Variants in ATXN1 observed in about 807,000 individuals in gnomAD.
ATXN1 encodes ataxin 1, also known as ataxin-1.
A neutral mutation model predicts 56.4 loss-of-function variants in ATXN1; 8 were observed. That is an observed-to-expected ratio of 0.14 (90% CI 0.08 to 0.26). ATXN1 has a LOEUF of 0.26. Among genes scored for constraint, ATXN1 ranks in the 10% least tolerant of loss-of-function variants. The probability of loss-of-function intolerance (pLI) is 1.00; values close to 1 mark genes in which losing one functional copy is unlikely to be tolerated. For synonymous variants in ATXN1, 514 were observed against 494.6 expected, an observed-to-expected ratio of 1.04 and a Z score of -0.52; for missense variants, 987 against 1,106.5, an observed-to-expected ratio of 0.89 and a Z score of 1.53.
chr6:16,581,159 G>A (rs538211440), intron 4 of ATXN1, among the ~76,000 whole-genome samples: 1 of 151,894 alleles, frequency 6.6e-6, no homozygotes, highest in South Asian at 2.1e-4. Context: ...TACATACGGT[G>A]CCTGAAGGGG....
At chr6:16,309,799 C>T (rs180009) in intron 7 of ATXN1, among the ~76,000 whole-genome samples, 23,486 of 151,820 alleles carry the variant, frequency 0.15, 2,365 homozygotes, top group Admixed American at 0.24. Flanking sequence ...TTTGGGAGGC[C>T]GAGGTGGGTG....
intron 3 of ATXN1, among the ~76,000 whole-genome samples, chr6:16,604,324 C>CAAAAA: frequency 8.9e-6 from 1 of 112,108 alleles, no homozygotes; most frequent in Non-Finnish European, 1.9e-5. Flanking sequence ...AACTCTGTCT[C>CAAAAA]AAAAAAAAAA....
rs1049069592 is a variant in ATXN1 at position 16,410,314 on chromosome 6, T to C, written c.-161+75658A>G. On this transcript the variant is annotated intron_variant, in intron 6 of 7. Transcript: ENST00000436367. This position sits in a 1 kb window ranked among gnomAD's most constrained non-coding sequence, Gnocchi z 4.6. ...GTTGATGATGTAAGACCCACTATCA[T>C]AAGCCAATTAGAGAACCAAACAAGT... Among the ~76,000 whole-genome samples, 1 of 152,214 alleles carries C rather than the reference T, an allele frequency of 6.6e-6. No individual in the cohort carries two copies. Among genetic ancestry groups the C allele is most frequent in the African/African-American group, 2.4e-5 (1 of 41,452 alleles).
chr6:16,731,454 C>CTTTTTTTTTTTTTTTTTTTT lies in ATXN1; in HGVS notation c.-615+21759_-615+21778dup, dbSNP rs71559655. 5.6e-4 allele frequency among the ~76,000 whole-genome samples: 46 copies of CTTTTTTTTTTTTTTTTTTTT among 81,776 alleles called. 1 individual carries two copies. Among genetic ancestry groups the CTTTTTTTTTTTTTTTTTTTT allele is most frequent in the Non-Finnish European group, 8.2e-4 (33 of 40,274 alleles). 53.6% of individuals were successfully genotyped at this position (81,776 alleles called of 152,430 possible). A position where few individuals can be genotyped will look rare whatever the true frequency, so the allele number is the denominator to read the frequency against. ...ACGAGAGAGGCTTTTTTTTTCTTTT[C>CTTTTTTTTTTTTTTTTTTTT]TTTTTTTTTTTTTTTTTTTTTTTTT... On this transcript the variant is annotated intron_variant, in intron 2 of 7. Coordinates refer to ENST00000436367, the MANE Select transcript of ATXN1 (RefSeq NM_001128164.2).
At chr6:16,520,832 A>T (rs1375261905) in intron 5 of ATXN1, among the ~76,000 whole-genome samples, 1 of 152,216 alleles carries the variant, frequency 6.6e-6, no homozygotes, top group Non-Finnish European at 1.5e-5. Context: ...GTAACTCAGC[A>T]GATGATCCCT....
At chr6:16,553,945 T>C (rs1312631112) in intron 4 of ATXN1, among the ~76,000 whole-genome samples, 3 of 152,176 alleles carry the variant, frequency 2.0e-5, no homozygotes, top group Non-Finnish European at 4.4e-5. Context: ...CTAAAGCATT[T>C]AGGGGTGGGA....
chr6:16,666,474 A>C (rs1228325197), intron 2 of ATXN1: 1 of 165,702 alleles, frequency 6.0e-6, no homozygotes, highest in African/African-American at 2.4e-5. Context: ...CAATATACTG[A>C]TTTCCTTTCT....
At chr6:16,643,275 A>AT (rs766089430) in intron 3 of ATXN1, among the ~76,000 whole-genome samples, 54 of 151,600 alleles carry the variant, frequency 3.6e-4, no homozygotes, top group Middle Eastern at 3.4e-3. Context: ...AAAAGACACA[A>AT]TATCTCTGAG....
Position 16,327,633 on chromosome 6 carries a change from G to GTGC in ATXN1, c.675_677dup (p.Gln225dup), listed in dbSNP as rs751421308. On this transcript the variant is annotated inframe_insertion, in exon 7 of 8. Transcript: ENST00000436367. ...TGATGAGCCCCGGAGCCCTGCTGAG[G>GTGC]TGCTGCTGCTGCTGCTGCTGCTGCT... 307,356 of 1,432,454 alleles carry GTGC rather than the reference G, an allele frequency of 0.21. 16,577 individuals carry two copies. Among genetic ancestry groups the GTGC allele is most frequent in the African/African-American group, 0.26 (18,287 of 69,516 alleles). 88.7% of individuals were successfully genotyped at this position (1,432,454 alleles called of 1,614,324 possible).
intron 3 of ATXN1, among the ~76,000 whole-genome samples, chr6:16,642,167 C>G (rs1429591339): frequency 6.6e-6 from 1 of 152,142 alleles, no homozygotes; most frequent in Non-Finnish European, 1.5e-5. Flanking sequence ...GCAGGGGAAT[C>G]ACAAGGTCCG....
intron 5 of ATXN1, among the ~76,000 whole-genome samples, chr6:16,486,888 G>A (rs768994886): frequency 3.3e-5 from 5 of 151,638 alleles, no homozygotes; most frequent in Admixed American, 6.6e-5. Context: ...TGCCATTTCC[G>A]CCCACCGAAG....
intron 2 of ATXN1, among the ~76,000 whole-genome samples, chr6:16,705,519 G>T (rs1759388599): frequency 6.6e-6 from 1 of 152,120 alleles, no homozygotes; most frequent in South Asian, 2.1e-4. Context: ...ACAGTGAGTG[G>T]TGTCATTTGC....
chr6:16,322,981 G>C (rs192969806), intron 7 of ATXN1, among the ~76,000 whole-genome samples: 1 of 152,134 alleles, frequency 6.6e-6, no homozygotes, highest in South Asian at 2.1e-4. Context: ...AGCCCTTCCC[G>C]GCATGCAGCA....
At chr6:16,555,477 C>T (rs945917808) in intron 4 of ATXN1, among the ~76,000 whole-genome samples, 1 of 152,224 alleles carries the variant, frequency 6.6e-6, no homozygotes, top group African/African-American at 2.4e-5. Flanking sequence ...CCTAACAATG[C>T]TACCATATGT....
chr6:16,564,839 CT>C (rs143006944), intron 4 of ATXN1, among the ~76,000 whole-genome samples: 10,728 of 149,308 alleles, frequency 0.072, 410 homozygotes, highest in Non-Finnish European at 0.084. Flanking sequence ...ATTCATTGCA[CT>C]TTTTTTTTTA....
intron 2 of ATXN1, among the ~76,000 whole-genome samples, chr6:16,704,490 T>C (rs1759363948): frequency 6.6e-6 from 1 of 151,842 alleles, no homozygotes; most frequent in Non-Finnish European, 1.5e-5. Flanking sequence ...TGCTTCTTTT[T>C]AAAGTATAAA....
At chr6:16,676,626 G>GA (rs1758666313) in intron 2 of ATXN1, among the ~76,000 whole-genome samples, 2 of 152,166 alleles carry the variant, frequency 1.3e-5, no homozygotes, top group African/African-American at 4.8e-5. Context: ...TATGAAAGAG[G>GA]AAAGCAGTCT....
chr6:16,731,393 A>G (rs1393494176), intron 2 of ATXN1, among the ~76,000 whole-genome samples: 6 of 151,788 alleles, frequency 4.0e-5, no homozygotes, highest in Admixed American at 1.3e-4. Flanking sequence ...AGTCGTCATA[A>G]AAAAAAATCA....
At position 16,728,210 on chromosome 6, in the gene ATXN1, G is replaced by A. The variant is rs529149131; in HGVS notation, c.-615+25023C>T. On this transcript the variant is annotated intron_variant, in intron 2 of 7. Coordinates refer to ENST00000436367, the MANE Select transcript of ATXN1 (RefSeq NM_001128164.2). ...CAGTCACATGGAGTCTGACTGGGACGCAAGACATCTAAGCCACAAAATGAA... is the reference window on the plus strand; with the variant it reads ...CAGTCACATGGAGTCTGACTGGGACACAAGACATCTAAGCCACAAAATGAA... 7.2e-5 allele frequency among the ~76,000 whole-genome samples: 11 copies of A among 152,338 alleles called. No homozygotes were observed. The East Asian group carries it at 1.9e-3, about 27-fold the overall frequency.
Sources: gnomAD v4.1 joint callset for allele counts (sites outside exome capture counted in the v4.1 genomes callset) on GRCh38, gnomAD v4.1.1 for gene constraint, Gnocchi (gnomAD v3.1) non-coding constraint, MANE v1.5 for transcripts, NCBI Gene and HGNC (gene_info 2026-07-23, HGNC 2026-07-21) for gene names.